The following CCDC175 variants were observed in gnomAD, a reference collection of about 807,000 sequenced individuals.
CCDC175 encodes the protein coiled-coil domain containing 175, also known as coiled-coil domain-containing protein 175.
CCDC175 carries 100 observed loss-of-function variants against 114.6 expected under a neutral mutation model. The ratio of observed to expected loss-of-function variants is 0.87; its 90% confidence interval spans 0.74 to 1.03. The LOEUF (loss-of-function observed/expected upper bound fraction) is 1.03, where lower values mean the gene tolerates loss of function less well. CCDC175 is among the 50% of genes least tolerant of loss of function. The pLI is 0.00. For missense variants in CCDC175, 880 were observed against 917.8 expected (o/e 0.96, Z 0.53); for synonymous variants, 306 against 308.7 (o/e 0.99, Z 0.09).
intron 17 of CCDC175, among the ~76,000 whole-genome samples, chr14:59,515,119 G>T (rs1270562832): frequency 1.3e-5 from 2 of 152,148 alleles, no homozygotes; most frequent in Admixed American, 1.3e-4. Context: ...CAAATGATGA[G>T]AGATTTTGTC....
intron 7 of CCDC175, among the ~76,000 whole-genome samples, chr14:59,556,788 A>T (rs1895925856): frequency 6.6e-6 from 1 of 152,230 alleles, no homozygotes; most frequent in South Asian, 2.1e-4. Context: ...AAACAACACC[A>T]TCAAAAAGTG....
At chr14:59,540,592 C>G (rs960199053) in intron 11 of CCDC175, 83 bp downstream of exon 11, 1 of 1,385,366 alleles carries the variant, frequency 7.2e-7, no homozygotes, top group African/African-American at 1.5e-5. Flanking sequence ...ACAACAAGTA[C>G]TCTGCACTGT....
At position 59,505,211 on chromosome 14, in the gene CCDC175, T is replaced by G. The variant is rs1244681995; in HGVS notation, c.*28A>C. 3 of 1,262,046 alleles carry G rather than the reference T, an allele frequency of 2.4e-6. No homozygotes were observed. In the East Asian group the frequency reaches 7.7e-5, roughly 32 times the overall value. The allele number at this position is 1,262,046 out of a possible 1,614,324, so 78.2% of individuals were successfully genotyped here. On this transcript the variant is annotated 3_prime_UTR_variant, in exon 20 of 20. Transcript: ENST00000537690. ...CACTTTTCCTGTAGTAGTCTGTCTT[T>G]TGAATTCACAGCAGTTGTATCCTTG...
chr14:59,557,555 T>C (rs1009331251), intron 7 of CCDC175, among the ~76,000 whole-genome samples: 1 of 151,190 alleles, frequency 6.6e-6, no homozygotes, highest in Non-Finnish European at 1.5e-5. Context: ...ACATGGCACA[T>C]GTATACATAT....
intron 17 of CCDC175, among the ~76,000 whole-genome samples, chr14:59,515,818 T>C (rs1893044663): frequency 6.6e-6 from 1 of 152,198 alleles, no homozygotes; most frequent in South Asian, 2.1e-4. Flanking sequence ...CAAGCAGACC[T>C]AACAGACATC....
chr14:59,524,481 C>T lies in CCDC175; in HGVS notation c.1995+801G>A, dbSNP rs1288709998. ...AAAAGGATATCCAAGAGGCCAGCAA[C>T]ATAGAATAGGTGCTTCAACAGTGAT... On this transcript the variant is annotated intron_variant, in intron 16 of 19. Transcript: ENST00000537690. 2.0e-5 allele frequency among the ~76,000 whole-genome samples: 3 copies of T among 152,254 alleles called. No homozygotes were observed. In the East Asian group the frequency reaches 5.8e-4, roughly 29 times the overall value.
chr14:59,563,249 A>AT (rs532829685), intron 6 of CCDC175, among the ~76,000 whole-genome samples: 249 of 152,168 alleles, frequency 1.6e-3, no homozygotes, highest in African/African-American at 5.7e-3. Flanking sequence ...TGTTATCACA[A>AT]TTTTTTTGAC....
At chr14:59,534,431 T>C (rs1385234397) in intron 13 of CCDC175, among the ~76,000 whole-genome samples, 4 of 152,182 alleles carry the variant, frequency 2.6e-5, no homozygotes, top group Non-Finnish European at 5.9e-5. Context: ...GCTCATCCTG[T>C]GAGTTCTAGT....
intron 2 of CCDC175, 54 bp from the exon 3 acceptor site, chr14:59,572,867 G>GTTTAGGAAATCA: frequency 9.2e-7 from 1 of 1,086,584 alleles, no homozygotes; most frequent in Non-Finnish European, 1.3e-6. Context: ...TAGTAAGATT[G>GTTTAGGAAATCA]ATTTCCTAAA....
intron 14 of CCDC175, among the ~76,000 whole-genome samples, chr14:59,530,663 T>C (rs1485745020): frequency 4.6e-5 from 7 of 152,170 alleles, no homozygotes; most frequent in Admixed American, 3.3e-4. Flanking sequence ...CATTCTTACA[T>C]TTTTAAAAAT....
chr14:59,566,939 C>G (rs1050184847), intron 4 of CCDC175, among the ~76,000 whole-genome samples: 11 of 152,218 alleles, frequency 7.2e-5, no homozygotes, highest in African/African-American at 2.4e-4. Flanking sequence ...GGACCAGCAG[C>G]AGCAGCATCA....
At chr14:59,563,252 T>G (rs1342476340) in intron 6 of CCDC175, among the ~76,000 whole-genome samples, 1 of 152,162 alleles carries the variant, frequency 6.6e-6, no homozygotes, top group Non-Finnish European at 1.5e-5. Context: ...TATCACAATT[T>G]TTTTGACAGA....
intron 19 of CCDC175, among the ~76,000 whole-genome samples, chr14:59,505,607 A>ATACT (rs1432332302): frequency 2.0e-5 from 3 of 152,350 alleles, no homozygotes; most frequent in East Asian, 3.9e-4. Flanking sequence ...AATTTCCACA[A>ATACT]TACTTAATAT....
In CCDC175 at chr14:59,506,526, G is replaced by A. The variant is rs576679821; in HGVS notation, c.2306-1211C>T. On this transcript the variant is annotated intron_variant, in intron 19 of 19. Transcript: ENST00000537690. Reference sequence around the variant, plus strand: ...TGGTCTTGCACTCCTGACCTCAAGTGATCTGCTCACCTCAGCCTCCCAAAG... The same window carrying A: ...TGGTCTTGCACTCCTGACCTCAAGTAATCTGCTCACCTCAGCCTCCCAAAG... Among the ~76,000 whole-genome samples the A allele has an allele frequency of 2.0e-5, 3 of 152,178 alleles. No homozygotes were observed. The South Asian group carries it at 6.2e-4, about 32-fold the overall frequency.
At chr14:59,534,578 C>T (rs1894282545) in intron 13 of CCDC175, among the ~76,000 whole-genome samples, 1 of 152,200 alleles carries the variant, frequency 6.6e-6, no homozygotes, top group Non-Finnish European at 1.5e-5. Context: ...TGCAGAAGGT[C>T]AAGTCCTATA....
intron 14 of CCDC175, 116 bp downstream of exon 14, chr14:59,531,656 G>A (rs1018285406): frequency 1.5e-6 from 1 of 682,890 alleles, no homozygotes; most frequent in African/African-American, 1.9e-5. Flanking sequence ...AAAGGTAATG[G>A]GGAAAGTTTG....
At chr14:59,565,333 C>T (rs1595075131) in intron 4 of CCDC175, 58 bp from the exon 5 acceptor site, 1 of 1,334,904 alleles carries the variant, frequency 7.5e-7, no homozygotes, top group East Asian at 2.5e-5. Context: ...AAGGAATAGT[C>T]TGTGTGGTGA....
chr14:59,543,704 G>A (rs1894930320), intron 9 of CCDC175, among the ~76,000 whole-genome samples: 1 of 152,086 alleles, frequency 6.6e-6, no homozygotes, highest in Non-Finnish European at 1.5e-5. Context: ...GTGTTGCCCA[G>A]GCTGGTATCA....
At position 59,510,628 on chromosome 14, in the gene CCDC175, C is replaced by A. The variant is rs1892685510; in HGVS notation, c.2305+18G>T. On this transcript the variant is annotated intron_variant, in intron 19 of 19. Transcript: ENST00000537690. ...AGCAGGAAGTCCCATGTTACCAAAG[C>A]TCTAAGCTGTTGCTTACTAAGAAGG... 1.3e-5 allele frequency: 20 copies of A among 1,536,734 alleles called. No homozygotes were observed. The highest frequency in any genetic ancestry group is 1.7e-5 in the Non-Finnish European group (20 of 1,146,518).
Sources: gnomAD v4.1 joint callset for allele counts (sites outside exome capture counted in the v4.1 genomes callset) on GRCh38, gnomAD v4.1.1 for gene constraint, MANE v1.5 for transcripts, NCBI Gene and HGNC (gene_info 2026-07-23, HGNC 2026-07-21) for gene names.